BTRC: variants seen among roughly 807,000 people sequenced by gnomAD.
The protein encoded by BTRC is F-box/WD repeat-containing protein 1A.
In BTRC, 42 loss-of-function variants were observed where a neutral mutation model predicts 85.5. The ratio of observed to expected loss-of-function variants is 0.49; its 90% CI spans 0.38 to 0.64. The LOEUF is 0.64. BTRC is among the 30% of genes least tolerant of loss of function. BTRC has a pLI of 0.00. For synonymous variants in BTRC, 255 were observed against 263.3 expected (o/e 0.97, Z 0.30); for missense variants, 594 against 743.5 (o/e 0.80, Z 2.34).
At chr10:101,465,952 A>G (rs1399285995) in intron 3 of BTRC, among the ~76,000 whole-genome samples, 1 of 152,192 alleles carries the variant, frequency 6.6e-6, no homozygotes. Context: ...AATAGCTACA[A>G]TTTTTGTTTT....
At chr10:101,403,728 C>T (rs1474244384) in intron 1 of BTRC, among the ~76,000 whole-genome samples, 1 of 151,870 alleles carries the variant, frequency 6.6e-6, no homozygotes, top group Non-Finnish European at 1.5e-5. Flanking sequence ...GTAGCTGGGA[C>T]TACAGGAATG....
intron 1 of BTRC, among the ~76,000 whole-genome samples, chr10:101,411,532 C>T (rs180682476): frequency 5.9e-4 from 90 of 152,224 alleles, no homozygotes; most frequent in African/African-American, 1.9e-3. Context: ...TTTGCTTCCT[C>T]GGGTTCACTG....
intron 3 of BTRC, among the ~76,000 whole-genome samples, chr10:101,472,358 G>A (rs903035478): frequency 1.8e-5 from 2 of 113,602 alleles, no homozygotes; most frequent in Non-Finnish European, 4.1e-5. Flanking sequence ...GGTAGAGATG[G>A]GGTCTCTCCC....
At chr10:101,475,953 A>ATATATATATATATATATATATATATATAT (rs1265691229) in intron 3 of BTRC, among the ~76,000 whole-genome samples, 1 of 133,806 alleles carries the variant, frequency 7.5e-6, no homozygotes, top group African/African-American at 2.9e-5. Flanking sequence ...ATATATATAT[A>ATATATATATATATATATATATATATATAT]TTCAGTAATT....
At chr10:101,403,589 C>G (rs192810165) in intron 1 of BTRC, among the ~76,000 whole-genome samples, 1 of 152,118 alleles carries the variant, frequency 6.6e-6, no homozygotes, top group East Asian at 1.9e-4. Context: ...CCCTGACCCC[C>G]TTTTTTTACT....
In BTRC at chr10:101,526,007, T is replaced by C. The variant is rs1456190060; in HGVS notation, c.557-6T>C. ...CTTTTTCTTTGCCTCCTCCCCCTAC[T>C]GAAAGCTCGGGGATTGGATCATATT... On this transcript the variant is annotated splice_region_variant and splice_polypyrimidine_tract_variant and intron_variant, in intron 5 of 14. Transcript: ENST00000370187. 6.2e-7 allele frequency: 1 copy of C among 1,612,202 alleles called. No individual in the cohort carries two copies. Among genetic ancestry groups the C allele is most frequent in the East Asian group, 2.2e-5 (1 of 44,856 alleles).
rs1554865385 is a variant in BTRC, at chr10:101,383,079, T to TC, written c.48+28852dup. The stretch of plus-strand genomic sequence containing the variant: ...GAGATTTTTTTTTTTTTTTTTTTTT[T>TC]CTGAGACAGGGTCTCACTCTTTCTC... On this transcript the variant is annotated intron_variant, in intron 1 of 14. Transcript: ENST00000370187. Among the ~76,000 whole-genome samples, 3 of 132,046 alleles carry TC rather than the reference T, an allele frequency of 2.3e-5. No homozygotes were observed. The East Asian group carries it at 6.3e-4, about 28-fold the overall frequency. The allele number at this position is 132,046 out of a possible 152,430, so 86.6% of individuals were successfully genotyped here.
At chr10:101,419,465 A>G (rs2134048823) in intron 1 of BTRC, among the ~76,000 whole-genome samples, 1 of 152,160 alleles carries the variant, frequency 6.6e-6, no homozygotes, top group East Asian at 1.9e-4. Flanking sequence ...TTCCAAGCTT[A>G]TTGTTGTTGG....
At chr10:101,490,116 G>T (rs1280155616) in intron 4 of BTRC, among the ~76,000 whole-genome samples, 1 of 149,918 alleles carries the variant, frequency 6.7e-6, no homozygotes, top group Non-Finnish European at 1.5e-5. Context: ...TTTTTTTTCA[G>T]GGTGTGTTTC....
At chr10:101,534,604 A>G (rs924662774) in intron 9 of BTRC, 57 bp from the exon 10 acceptor site, 3 of 1,604,666 alleles carry the variant, frequency 1.9e-6, no homozygotes, top group East Asian at 2.2e-5. Flanking sequence ...ATGATGGTCA[A>G]ATATAGGTAA....
chr10:101,533,687 GC>G (rs2134419003), intron 9 of BTRC, among the ~76,000 whole-genome samples: 1 of 152,086 alleles, frequency 6.6e-6, no homozygotes, highest in East Asian at 1.9e-4. Context: ...CAAACATAAT[GC>G]ATCAAAAGTA....
intron 5 of BTRC, among the ~76,000 whole-genome samples, chr10:101,524,033 C>A (rs2062156662): frequency 6.6e-6 from 1 of 152,002 alleles, no homozygotes; most frequent in African/African-American, 2.4e-5. Flanking sequence ...AAAAATATAC[C>A]AGCTCATAGC....
chr10:101,398,268 T>G (rs975165238), intron 1 of BTRC, among the ~76,000 whole-genome samples: 1 of 152,174 alleles, frequency 6.6e-6, no homozygotes, highest in African/African-American at 2.4e-5. Flanking sequence ...ATTAAGTATT[T>G]TATCTAAAAA....
At chr10:101,472,332 T>TCTTCTCTTCTCTCTC (rs1299669605) in intron 3 of BTRC, among the ~76,000 whole-genome samples, 1 of 83,478 alleles carries the variant, frequency 1.2e-5, no homozygotes, top group Non-Finnish European at 3.2e-5. Flanking sequence ...CTCTCTCTTC[T>TCTTCTCTTCTCTCTC]TTCTTTCTTG....
intron 1 of BTRC, among the ~76,000 whole-genome samples, chr10:101,366,853 T>TATACATA (rs1159986696): frequency 4.0e-5 from 1 of 24,740 alleles, no homozygotes; most frequent in African/African-American, 2.0e-4. Flanking sequence ...TGTATATTAA[T>TATACATA]ATATATTTAT....
chr10:101,359,061 C>G (rs146315079), intron 1 of BTRC, among the ~76,000 whole-genome samples: 3 of 152,046 alleles, frequency 2.0e-5, no homozygotes, highest in Non-Finnish European at 4.4e-5. Flanking sequence ...AGGTTAACTT[C>G]GGAAGGCACT....
intron 1 of BTRC, among the ~76,000 whole-genome samples, chr10:101,358,594 A>G (rs1426646392): frequency 6.6e-6 from 1 of 152,212 alleles, no homozygotes; most frequent in Non-Finnish European, 1.5e-5. Context: ...CTTAAAAAAA[A>G]CAATTATTTT....
At chr10:101,500,969 G>A (rs1296598065) in intron 4 of BTRC, among the ~76,000 whole-genome samples, 1 of 152,250 alleles carries the variant, frequency 6.6e-6, no homozygotes, top group African/African-American at 2.4e-5. Context: ...CAAGGCAGGT[G>A]GATCACCTGA....
intron 1 of BTRC, among the ~76,000 whole-genome samples, chr10:101,418,501 TAATA>T (rs67919746): frequency 0.36 from 54,256 of 151,754 alleles, 10,806 homozygotes; most frequent in Middle Eastern, 0.47. Flanking sequence ...AATGAATACT[TAATA>T]CTTATTTTCA....
Sources: allele counts gnomAD v4.1 joint callset (sites outside exome capture counted in the v4.1 genomes callset), GRCh38; gene constraint gnomAD v4.1.1; transcripts MANE v1.5; gene names NCBI Gene and HGNC (gene_info 2026-07-23, HGNC 2026-07-21).